Variants in CLASP1 observed in about 807,000 individuals in gnomAD.
The protein encoded by CLASP1 is CLIP-associating protein 1.
In CLASP1, 38 loss-of-function variants were observed where a neutral mutation model predicts 192.3. That is an observed-to-expected ratio of 0.20 (90% CI 0.15 to 0.26). The LOEUF (loss-of-function observed/expected upper bound fraction) is 0.26, where lower values mean the gene tolerates loss of function less well. Among genes scored for constraint, CLASP1 ranks in the 10% least tolerant of loss-of-function variants. The pLI, the probability that CLASP1 is intolerant of heterozygous loss-of-function variation, is 1.00. For missense variants in CLASP1, 1,433 were observed against 1,932.5 expected (o/e 0.74, Z 4.85); for synonymous variants, 691 against 712.8 (o/e 0.97, Z 0.49).
chr2:121,385,299 G>A (rs929887672), intron 32 of CLASP1, among the ~76,000 whole-genome samples: 2 of 151,900 alleles, frequency 1.3e-5, no homozygotes, highest in South Asian at 2.1e-4. Context: ...ACTGAATGAC[G>A]GCAAGTTAAA....
intron 28 of CLASP1, among the ~76,000 whole-genome samples, 176 bp from the exon 30 acceptor site, chr2:121,398,576 A>G (rs2075670538): frequency 6.6e-6 from 1 of 152,208 alleles, no homozygotes; most frequent in East Asian, 1.9e-4. Flanking sequence ...GAAAATATGG[A>G]AAAAGGAAGA....
At chr2:121,369,451 T>A (rs1011762008) in intron 34 of CLASP1, among the ~76,000 whole-genome samples, 1 of 151,910 alleles carries the variant, frequency 6.6e-6, no homozygotes, top group Admixed American at 6.6e-5. Flanking sequence ...ACCATTATAA[T>A]GAAAAATTAT....
chr2:121,640,683 GA>G (rs35129398), intron 1 of CLASP1, among the ~76,000 whole-genome samples: 29,107 of 145,062 alleles, frequency 0.2, 4,972 homozygotes, highest in African/African-American at 0.47. Flanking sequence ...ACCTGAGCTG[GA>G]AAAAAAAAAA....
At chr2:121,642,080 T>C (rs2072188344) in intron 1 of CLASP1, among the ~76,000 whole-genome samples, 1 of 150,920 alleles carries the variant, frequency 6.6e-6, no homozygotes, top group African/African-American at 2.4e-5. Context: ...CAAAAGAAAC[T>C]ATACAAAAAA....
Position 121,415,208 on chromosome 2 carries a change from C to T in CLASP1, c.2320+3414G>A, listed in dbSNP as rs1364012862. Reference sequence around the variant, plus strand: ...GCTCAGTAATGCAATTGTAAATGCTCGTTGGATCACAACTAGCCATAGGAC... The same window carrying T: ...GCTCAGTAATGCAATTGTAAATGCTTGTTGGATCACAACTAGCCATAGGAC... On this transcript the variant is annotated intron_variant, in intron 23 of 39. Transcript: ENST00000263710. Among the ~76,000 whole-genome samples the T allele has an allele frequency of 2.6e-5, 4 of 152,158 alleles. No homozygotes were observed. In the South Asian group the frequency reaches 6.2e-4, roughly 24 times the overall value.
intron 2 of CLASP1, among the ~76,000 whole-genome samples, chr2:121,533,511 T>C (rs1190605449): frequency 3.3e-5 from 5 of 152,100 alleles, no homozygotes; most frequent in African/African-American, 1.2e-4. Context: ...GTGGTAAGGG[T>C]ACTTTTTTTT....
intron 31 of CLASP1, 143 bp from the exon 33 acceptor site, chr2:121,387,371 G>C (rs557839846): frequency 1.7e-6 from 1 of 600,954 alleles, no homozygotes; most frequent in African/African-American, 1.9e-5. Flanking sequence ...GAATCATAAG[G>C]CCAATTTTAA....
chr2:121,411,831 G>A (rs984174801), intron 23 of CLASP1, among the ~76,000 whole-genome samples: 23 of 152,168 alleles, frequency 1.5e-4, no homozygotes, highest in Admixed American at 6.5e-5. Context: ...GAAAGGCAGT[G>A]TAAGTTGTAT....
intron 1 of CLASP1, among the ~76,000 whole-genome samples, chr2:121,610,707 G>T (rs1449818428): frequency 8.1e-5 from 12 of 148,088 alleles, no homozygotes; most frequent in Admixed American, 4.0e-4. Context: ...AACTGGAGAA[G>T]GAGGAGGAGG....
intron 7 of CLASP1, among the ~76,000 whole-genome samples, chr2:121,504,183 G>C (rs1421601312): frequency 6.6e-6 from 1 of 150,948 alleles, no homozygotes; most frequent in African/African-American, 2.4e-5. Context: ...AATGAGCCGA[G>C]ACCGTGCCAC....
intron 30 of CLASP1, among the ~76,000 whole-genome samples, chr2:121,394,544 C>T (rs2074950785): frequency 6.6e-6 from 1 of 152,170 alleles, no homozygotes; most frequent in African/African-American, 2.4e-5. Flanking sequence ...CTCTCTTTGG[C>T]TTTCAGCAAT....
chr2:121,530,953 A>T (rs777507405), intron 2 of CLASP1: 1 of 700,316 alleles, frequency 1.4e-6, no homozygotes, highest in African/African-American at 1.7e-5. Flanking sequence ...ACGCCTGAAC[A>T]ACACACCCGC....
Position 121,425,788 on chromosome 2 carries a change from T to C in CLASP1, c.2045-482A>G, listed in dbSNP as rs530736837. 3.9e-5 allele frequency among the ~76,000 whole-genome samples: 6 copies of C among 152,250 alleles called. No homozygotes were observed. In the East Asian group the frequency reaches 9.6e-4, roughly 24 times the overall value. ...GGTAAATAAAAATCACAAAATAAGA[T>C]AGAAGCTCAAACATATTAGTTAATC... is the stretch of plus-strand genomic sequence containing the variant. On this transcript the variant is annotated intron_variant, in intron 21 of 39. Transcript: ENST00000263710.
intron 8 of CLASP1, among the ~76,000 whole-genome samples, chr2:121,488,961 C>G (rs1340185517): frequency 6.6e-6 from 1 of 152,170 alleles, no homozygotes; most frequent in Non-Finnish European, 1.5e-5. Flanking sequence ...ATTTTAAACT[C>G]AGATTCAGGA....
chr2:121,624,421 G>GT (rs2067937127), intron 1 of CLASP1, among the ~76,000 whole-genome samples: 2 of 151,864 alleles, frequency 1.3e-5, no homozygotes, highest in Non-Finnish European at 2.9e-5. Context: ...TCTTCTTCTT[G>GT]TTTTTTGAGA....
intron 8 of CLASP1, among the ~76,000 whole-genome samples, chr2:121,498,201 C>CTTTTTTTTTTTTTTTTT (rs70954551): frequency 1.7e-5 from 2 of 119,128 alleles, no homozygotes; most frequent in Admixed American, 8.5e-5. Flanking sequence ...GTAATAGTTT[C>CTTTTTTTTTTTTTTTTT]TTTTTTTTTT....
At chr2:121,611,659 C>G (rs2105984575) in intron 1 of CLASP1, among the ~76,000 whole-genome samples, 1 of 116,342 alleles carries the variant, frequency 8.6e-6, no homozygotes. Flanking sequence ...GGAGGAGTTA[C>G]AGGAGGAAGA....
At chr2:121,503,686 G>A (rs2093838960) in intron 7 of CLASP1, 1 of 153,152 alleles carries the variant, frequency 6.5e-6, no homozygotes, top group Non-Finnish European at 1.5e-5. Flanking sequence ...TGTGCTTATT[G>A]CTGTGATTCA....
chr2:121,477,693 T>C (rs1219235445), intron 8 of CLASP1, among the ~76,000 whole-genome samples: 4 of 152,244 alleles, frequency 2.6e-5, no homozygotes, highest in South Asian at 4.1e-4. Context: ...ACTTTGTGCA[T>C]AGACTATATT....
Sources: allele counts gnomAD v4.1 joint callset (sites outside exome capture counted in the v4.1 genomes callset), GRCh38; gene constraint gnomAD v4.1.1; transcripts MANE v1.5; gene names NCBI Gene and HGNC (gene_info 2026-07-23, HGNC 2026-07-21).